CEP170: variants seen among roughly 807,000 people sequenced by gnomAD.
CEP170 encodes the protein centrosomal protein of 170 kDa.
A neutral mutation model predicts 151.9 loss-of-function variants in CEP170; 21 were observed. The ratio of observed to expected loss-of-function variants is 0.14; its 90% CI spans 0.10 to 0.20. The LOEUF is 0.20. CEP170 is among the 10% of genes least tolerant of loss of function. The pLI is 1.00. For missense variants in CEP170, 964 were observed against 1,892.9 expected, an observed-to-expected ratio of 0.51 and a Z score of 9.11; for synonymous variants, 356 against 648.8, an observed-to-expected ratio of 0.55 and a Z score of 6.86.
At chr1:243,161,550 G>A (rs1311829927) in intron 13 of CEP170, among the ~76,000 whole-genome samples, 1 of 152,106 alleles carries the variant, frequency 6.6e-6, no homozygotes, top group African/African-American at 2.4e-5. Flanking sequence ...GCTCACTGCA[G>A]CCTTGAACTC....
intron 4 of CEP170, among the ~76,000 whole-genome samples, chr1:243,208,062 C>A (rs1350069656): frequency 6.6e-6 from 1 of 152,024 alleles, no homozygotes; most frequent in Non-Finnish European, 1.5e-5. Flanking sequence ...TAAAAGGATG[C>A]CTTCCTTTTT....
chr1:243,193,371 T>C (rs1340612299), intron 7 of CEP170, among the ~76,000 whole-genome samples: 1 of 151,926 alleles, frequency 6.6e-6, no homozygotes, highest in African/African-American at 2.4e-5. Context: ...TATAGATATA[T>C]ACATATAGTT....
chr1:243,214,590 T>A (rs10803123), intron 3 of CEP170, among the ~76,000 whole-genome samples: 61,635 of 150,668 alleles, frequency 0.41, 14,892 homozygotes, highest in East Asian at 0.66. Flanking sequence ...CCAGCCAAAA[T>A]TTTTAAAACA....
At chr1:243,184,453 G>T (rs961431208) in intron 10 of CEP170, among the ~76,000 whole-genome samples, 1 of 151,042 alleles carries the variant, frequency 6.6e-6, no homozygotes, top group Admixed American at 6.6e-5. Context: ...AGAAACATCA[G>T]ATGTTTCTTA....
At chr1:243,241,768 C>A (rs1245509365) in intron 1 of CEP170, among the ~76,000 whole-genome samples, 1 of 147,144 alleles carries the variant, frequency 6.8e-6, no homozygotes, top group African/African-American at 2.5e-5. Context: ...CCAGCCTGGA[C>A]AACATAGTGA....
intron 3 of CEP170, among the ~76,000 whole-genome samples, chr1:243,213,328 T>A (rs186923016): frequency 1.3e-5 from 2 of 152,164 alleles, no homozygotes; most frequent in Non-Finnish European, 2.9e-5. Context: ...ATAAAAGACA[T>A]CTGGAGATAA....
rs1417426278 is a variant in CEP170, at chr1:243,139,258, CGCCCG to C, written c.4230+674_4230+678del. Among the ~76,000 whole-genome samples the C allele has an allele frequency of 5.3e-5, 8 of 152,138 alleles. No homozygotes were observed. The East Asian group carries it at 1.4e-3, about 26-fold the overall frequency. On this transcript the variant is annotated intron_variant, in intron 16 of 19. Coordinates refer to ENST00000366542, the MANE Select transcript of CEP170 (RefSeq NM_014812.3). ...CTGGGATTACAGGCACATGCCACCA[CGCCCG>C]GCTAATTTTCTTATTTGTAGTAGAG...
At chr1:243,219,093 G>A (rs1173272219) in intron 3 of CEP170, among the ~76,000 whole-genome samples, 1 of 152,164 alleles carries the variant, frequency 6.6e-6, no homozygotes, top group Non-Finnish European at 1.5e-5. Context: ...GGCTGCTAAA[G>A]ACCTTTGTGG....
chr1:243,224,803 A>G (rs1359809493), intron 2 of CEP170, among the ~76,000 whole-genome samples: 1 of 152,230 alleles, frequency 6.6e-6, no homozygotes, highest in Non-Finnish European at 1.5e-5. Flanking sequence ...CCTGGCAGGT[A>G]TCATAATGAA....
chr1:243,243,659 G>T (rs1281856399), intron 1 of CEP170, among the ~76,000 whole-genome samples: 1 of 151,930 alleles, frequency 6.6e-6, no homozygotes, highest in Non-Finnish European at 1.5e-5. Context: ...GAGTAGCTGG[G>T]ACTACAGGTG....
intron 13 of CEP170, among the ~76,000 whole-genome samples, chr1:243,158,320 A>G (rs1288554602): frequency 6.6e-6 from 1 of 152,246 alleles, no homozygotes; most frequent in African/African-American, 2.4e-5. Flanking sequence ...ATCATTTGTT[A>G]CATCAAATGT....
intron 1 of CEP170, among the ~76,000 whole-genome samples, chr1:243,246,394 G>A (rs1160910458): frequency 6.6e-6 from 1 of 151,932 alleles, no homozygotes; most frequent in African/African-American, 2.4e-5. Flanking sequence ...ACCACGCTCA[G>A]CTAATTTTTG....
chr1:243,242,196 G>A (rs1413166343), intron 1 of CEP170, among the ~76,000 whole-genome samples: 2 of 152,050 alleles, frequency 1.3e-5, no homozygotes, highest in African/African-American at 2.4e-5. Flanking sequence ...CTAGGAAAAG[G>A]TGCCAGATTC....
chr1:243,138,296 C>A (rs1045207912), intron 16 of CEP170, among the ~76,000 whole-genome samples: 12 of 150,846 alleles, frequency 8.0e-5, no homozygotes, highest in Admixed American at 6.6e-4. Flanking sequence ...AGGCTCTTTT[C>A]CTGATACCAA....
intron 13 of CEP170, among the ~76,000 whole-genome samples, chr1:243,159,978 G>A (rs1478815502): frequency 2.6e-5 from 4 of 152,026 alleles, no homozygotes; most frequent in Non-Finnish European, 4.4e-5. Context: ...TAGTAGAGAC[G>A]GAGTTTCACC....
intron 1 of CEP170, among the ~76,000 whole-genome samples, chr1:243,229,356 T>G (rs1334542873): frequency 1.3e-5 from 2 of 152,138 alleles, no homozygotes; most frequent in East Asian, 3.9e-4. Context: ...CAGTCCCTCA[T>G]GCTTTCTAAA....
At chr1:243,211,790 A>G (rs2061830063) in intron 4 of CEP170, 96 bp downstream of exon 4, 1 of 1,374,952 alleles carries the variant, frequency 7.3e-7, no homozygotes. Flanking sequence ...ATTCTGGCAT[A>G]TCTATATTGT....
intron 14 of CEP170, among the ~76,000 whole-genome samples, chr1:243,147,400 T>C (rs1466070364): frequency 1.3e-5 from 2 of 152,238 alleles, no homozygotes; most frequent in Non-Finnish European, 2.9e-5. Context: ...CTTTGGCTTG[T>C]TGTGAAGCCA....
Position 243,223,476 on chromosome 1 carries a change from A to C in CEP170, c.106-1663T>G, listed in dbSNP as rs936280606. 2.0e-5 allele frequency among the ~76,000 whole-genome samples: 3 copies of C among 152,186 alleles called. No homozygotes were observed. In the South Asian group the frequency reaches 6.2e-4, roughly 32 times the overall value. On this transcript the variant is annotated intron_variant, in intron 2 of 19. Coordinates refer to ENST00000366542, the MANE Select transcript of CEP170 (RefSeq NM_014812.3). ...AGAAAAAGTGATTTGGGGAGGAAGT[A>C]ATTTAGGACAGGCTGCTTCACTAAG... is the stretch of plus-strand genomic sequence containing the variant.
Sources: allele counts gnomAD v4.1 joint callset (sites outside exome capture counted in the v4.1 genomes callset), GRCh38; gene constraint gnomAD v4.1.1; transcripts MANE v1.5; gene names NCBI Gene and HGNC (gene_info 2026-07-23, HGNC 2026-07-21).